RAB6A: variants seen among roughly 807,000 people sequenced by gnomAD.
RAB6A encodes the protein ras-related protein Rab-6A.
Under a neutral mutation model 32.3 loss-of-function variants are expected in RAB6A, and 8 were observed. The ratio of observed to expected loss-of-function variants is 0.25; its 90% confidence interval spans 0.15 to 0.45. The LOEUF is 0.45. Ranked by LOEUF, RAB6A falls within the 20% of genes least tolerant of loss-of-function variation. The probability of loss-of-function intolerance (pLI) is 1.00; values close to 1 mark genes in which losing one functional copy is unlikely to be tolerated. For missense variants in RAB6A, 104 were observed against 249.4 expected (o/e 0.42, Z 3.93); for synonymous variants, 73 against 82.1 (o/e 0.89, Z 0.60).
chr11:73,748,097 T>C (rs1332686467), intron 1 of RAB6A, among the ~76,000 whole-genome samples: 1 of 152,248 alleles, frequency 6.6e-6, no homozygotes, highest in African/African-American at 2.4e-5. Flanking sequence ...AAAGGGATCT[T>C]ACCTGCAGCA....
chr11:73,724,484 G>A (rs973252731), intron 2 of RAB6A, among the ~76,000 whole-genome samples: 5 of 123,364 alleles, frequency 4.1e-5, no homozygotes, highest in African/African-American at 1.2e-4. Flanking sequence ...AATGCATTTC[G>A]TTTTTTTTTT....
At chr11:73,747,444 C>G (rs1015074594) in intron 1 of RAB6A, among the ~76,000 whole-genome samples, 1 of 137,724 alleles carries the variant, frequency 7.3e-6, no homozygotes, top group Non-Finnish European at 1.6e-5. Flanking sequence ...GAACCCCCCC[C>G]CGCCCCGCCC....
At chr11:73,753,664 T>C (rs529904600) in intron 1 of RAB6A, among the ~76,000 whole-genome samples, 26 of 151,966 alleles carry the variant, frequency 1.7e-4, no homozygotes, top group African/African-American at 5.5e-4. Context: ...TGAGCCGAGA[T>C]TGCGCCACTG....
chr11:73,722,237 T>A (rs1946143269), intron 2 of RAB6A: 1 of 147,876 alleles, frequency 6.8e-6, no homozygotes, highest in African/African-American at 2.5e-5. Context: ...GTTTGTTAAA[T>A]TTGTTCCTAA....
chr11:73,737,631 T>C (rs577795088), intron 1 of RAB6A, among the ~76,000 whole-genome samples: 1 of 152,266 alleles, frequency 6.6e-6, no homozygotes, highest in South Asian at 2.1e-4. Flanking sequence ...GGATGAAGTA[T>C]TGATAATATG....
chr11:73,713,371 C>T (rs995771276), intron 5 of RAB6A, among the ~76,000 whole-genome samples: 2 of 152,136 alleles, frequency 1.3e-5, no homozygotes, highest in Middle Eastern at 3.2e-3. Flanking sequence ...GAGATCAAGA[C>T]CATCCTGGCT....
At chr11:73,752,206 C>T (rs1216335179) in intron 1 of RAB6A, among the ~76,000 whole-genome samples, 5 of 152,280 alleles carry the variant, frequency 3.3e-5, no homozygotes, top group African/African-American at 1.2e-4. Context: ...CACCTGTAAT[C>T]CCAGCACTTT....
intron 6 of RAB6A, among the ~76,000 whole-genome samples, chr11:73,701,288 A>G (rs754220279): frequency 6.6e-6 from 1 of 152,230 alleles, no homozygotes; most frequent in Non-Finnish European, 1.5e-5. Context: ...AAAATCAAAA[A>G]TAGTTCTGCT....
intron 5 of RAB6A, among the ~76,000 whole-genome samples, chr11:73,714,598 G>A (rs2134938263): frequency 6.6e-6 from 1 of 151,742 alleles, no homozygotes. Context: ...GGAGGCAGAG[G>A]TTGCAGTGAG....
intron 1 of RAB6A, among the ~76,000 whole-genome samples, chr11:73,751,832 G>T (rs1946673427): frequency 6.6e-6 from 1 of 152,048 alleles, no homozygotes; most frequent in African/African-American, 2.4e-5. Flanking sequence ...CTTCTTCAGG[G>T]AATCTGACCA....
chr11:73,685,593 T>TCTTTTTTTTTTTTTTTTTTTA (rs1555054180), intron 6 of RAB6A, among the ~76,000 whole-genome samples: 3 of 146,968 alleles, frequency 2.0e-5, no homozygotes, highest in Non-Finnish European at 3.0e-5. Context: ...GGACTGAAAG[T>TCTTTTTTTTTTTTTTTTTTTA]AGCGACCAGG....
chr11:73,730,464 G>C (rs1040736954), intron 2 of RAB6A: 2 of 244,808 alleles, frequency 8.2e-6, no homozygotes, highest in Non-Finnish European at 1.5e-5. Flanking sequence ...GATAAAAAAT[G>C]TCACAGAATC....
At chr11:73,731,618 T>C (rs1255873378) in intron 1 of RAB6A, among the ~76,000 whole-genome samples, 2 of 147,044 alleles carry the variant, frequency 1.4e-5, no homozygotes, top group Admixed American at 1.4e-4. Flanking sequence ...AACTCTCTAC[T>C]TCTCTGGCAA....
chr11:73,695,827 T>C (rs1470988674), intron 6 of RAB6A, among the ~76,000 whole-genome samples: 1 of 152,218 alleles, frequency 6.6e-6, no homozygotes, highest in African/African-American at 2.4e-5. Context: ...TAAGTTGCAG[T>C]GACAGCTAGT....
intron 6 of RAB6A, among the ~76,000 whole-genome samples, chr11:73,690,641 G>A (rs1457218939): frequency 6.8e-6 from 1 of 146,696 alleles, no homozygotes; most frequent in East Asian, 2.0e-4. Flanking sequence ...CAGATGTGGA[G>A]AGAAGAGACA....
At position 73,677,440 on chromosome 11, in the gene RAB6A, G is replaced by C. The variant is rs1020762318; in HGVS notation, c.*458C>G. The C allele has an allele frequency of 5.6e-5, 12 of 213,098 alleles. No homozygotes were observed. The highest frequency in any genetic ancestry group is 1.1e-4 in the Non-Finnish European group (11 of 98,388). The allele number at this position is 213,098 out of a possible 1,614,324, so 13.2% of individuals were successfully genotyped here. On this transcript the variant is annotated 3_prime_UTR_variant, in exon 8 of 8. Transcript: ENST00000336083. ...ACTGCTGCTTTGCCATCTCTTGTTT[G>C]TTTTGAGGAAGTCGGGGGAGGCTAG... is the stretch of plus-strand genomic sequence containing the variant.
intron 1 of RAB6A, 139 bp from the exon 2 acceptor site, chr11:73,730,962 A>G (rs1565369479): frequency 4.8e-6 from 3 of 620,334 alleles, no homozygotes; most frequent in East Asian, 5.9e-5. Flanking sequence ...AAACCCATAT[A>G]GCCCCAAGAT....
rs1231102849 is a variant in RAB6A at position 73,722,307 on chromosome 11, A to ATGTG, written c.130-1409_130-1408insCACA. On this transcript the variant is annotated intron_variant, in intron 2 of 7. Coordinates refer to ENST00000336083, the MANE Select transcript of RAB6A (RefSeq NM_198896.2). ...AATTCAAATATATATGTGTGTGTGT[A>ATGTG]TATATATATATATATATATATATAT... 1.2e-3 allele frequency: 75 copies of ATGTG among 62,482 alleles called. 4 individuals carry two copies. The East Asian group carries it at 0.014, about 11-fold the overall frequency. 3.9% of individuals were successfully genotyped at this position (62,482 alleles called of 1,614,324 possible).
intron 5 of RAB6A, among the ~76,000 whole-genome samples, chr11:73,715,821 A>G (rs1033606841): frequency 7.2e-5 from 11 of 152,232 alleles, no homozygotes; most frequent in Admixed American, 4.6e-4. Context: ...AACAACCAAA[A>G]AACAAAAATC....
Sources: allele counts gnomAD v4.1 joint callset (sites outside exome capture counted in the v4.1 genomes callset), GRCh38; gene constraint gnomAD v4.1.1; transcripts MANE v1.5; gene names NCBI Gene and HGNC (gene_info 2026-07-23, HGNC 2026-07-21).